Variants in ZNF608 observed in about 807,000 individuals in gnomAD.
ZNF608 encodes the protein zinc finger protein 608.
A neutral mutation model predicts 109.0 loss-of-function variants in ZNF608; 12 were observed. The observed-to-expected ratio is 0.11, with a 90% CI of 0.07 to 0.18. ZNF608 has a LOEUF of 0.18. Ranked by LOEUF, ZNF608 falls within the 10% of genes least tolerant of loss-of-function variation. ZNF608 has a pLI of 1.00. For missense variants in ZNF608, 1,707 were observed against 1,879.3 expected (o/e 0.91, Z 1.70); for synonymous variants, 732 against 717.4 (o/e 1.02, Z -0.33).
chr5:124,728,096 A>G (rs1240684607), intron 2 of ZNF608, among the ~76,000 whole-genome samples: 1 of 152,150 alleles, frequency 6.6e-6, no homozygotes, highest in African/African-American at 2.4e-5. Flanking sequence ...AGCTTTACAA[A>G]TAGGCAGAAG....
chr5:124,680,850 A>C (rs1752164958), intron 3 of ZNF608, among the ~76,000 whole-genome samples: 5 of 152,174 alleles, frequency 3.3e-5, no homozygotes, highest in Admixed American at 3.3e-4. Context: ...GCCAATAACC[A>C]AAATAGAAAA....
chr5:124,679,138 G>C (rs935801518), intron 3 of ZNF608, among the ~76,000 whole-genome samples: 1 of 152,172 alleles, frequency 6.6e-6, no homozygotes, highest in African/African-American at 2.4e-5. Flanking sequence ...TGTGCTCCTC[G>C]AAGATAACAC....
chr5:124,643,909 A>G (rs1750368820), intron 6 of ZNF608, among the ~76,000 whole-genome samples: 1 of 152,230 alleles, frequency 6.6e-6, no homozygotes, highest in South Asian at 2.1e-4. Flanking sequence ...GCTTATAGCC[A>G]TTTCATACAT....
At chr5:124,654,904 G>A (rs187830352) in intron 3 of ZNF608, among the ~76,000 whole-genome samples, 2 of 152,298 alleles carry the variant, frequency 1.3e-5, no homozygotes, top group South Asian at 2.1e-4. Context: ...TTGTCCTACC[G>A]TAATACATGG....
chr5:124,706,826 C>T (rs1206937719), intron 2 of ZNF608, among the ~76,000 whole-genome samples: 1 of 152,206 alleles, frequency 6.6e-6, no homozygotes, highest in Admixed American at 6.5e-5. Flanking sequence ...CAGTCTCTCA[C>T]TGTTATTTTT....
At chr5:124,645,462 C>T (rs570006570) in intron 5 of ZNF608, among the ~76,000 whole-genome samples, 44 of 152,060 alleles carry the variant, frequency 2.9e-4, no homozygotes, top group Non-Finnish European at 5.7e-4. Flanking sequence ...TTCAGGTTCT[C>T]AGAGAACATG....
rs772242926 is a variant in ZNF608 at position 124,648,367 on chromosome 5, G to A, written c.2017C>T (p.Leu673Phe). Residue 673 changes from leucine to phenylalanine, a missense_variant, in exon 5 of 10, where the codon CTT becomes TTT. By Grantham distance (22) the Leu-to-Phe change is conservative. Around this residue, in one of 7 missense-constraint regions of ZNF608, gnomAD observed 1,073 missense variants for 1,133.5 expected, o/e 0.95. Coordinates refer to ENST00000513986, the MANE Select transcript of ZNF608 (RefSeq NM_020747.3). ...KKGLNNELNNLPVISNMTAAL... is the reference protein window; with the variant it reads ...KKGLNNELNNFPVISNMTAAL... ...GCCGTCATGTTGGAGATTACTGGAAGGTTGTTCAGTTCATTGTTAAGGCCC... is the reference window on the plus strand; with the variant it reads ...GCCGTCATGTTGGAGATTACTGGAAAGTTGTTCAGTTCATTGTTAAGGCCC... 1 of 1,614,202 alleles carries A rather than the reference G, an allele frequency of 6.2e-7. No homozygotes were observed. Among genetic ancestry groups the A allele is most frequent in the South Asian group, 1.1e-5 (1 of 91,086 alleles).
intron 3 of ZNF608, among the ~76,000 whole-genome samples, chr5:124,669,781 C>G (rs1432773943): frequency 6.6e-6 from 1 of 152,062 alleles, no homozygotes; most frequent in African/African-American, 2.4e-5. Flanking sequence ...CACCTGAGTC[C>G]TTATTACAGA....
chr5:124,734,989 G>A (rs1749077914), intron 2 of ZNF608: 1 of 152,144 alleles, frequency 6.6e-6, no homozygotes, highest in African/African-American at 2.4e-5. Flanking sequence ...GTGATGGGGG[G>A]CAACCATAGT....
chr5:124,667,681 T>C (rs1225777925), intron 3 of ZNF608, among the ~76,000 whole-genome samples: 2 of 152,248 alleles, frequency 1.3e-5, no homozygotes, highest in African/African-American at 4.8e-5. Flanking sequence ...ATGCTGACTA[T>C]GTTAGGCACT....
chr5:124,724,818 AATG>A (rs1457201533), intron 2 of ZNF608, among the ~76,000 whole-genome samples: 1 of 152,156 alleles, frequency 6.6e-6, no homozygotes, highest in Non-Finnish European at 1.5e-5. Flanking sequence ...ACCACTGAGA[AATG>A]AGAATGAAAT....
chr5:124,701,631 T>C (rs752507904), intron 2 of ZNF608, among the ~76,000 whole-genome samples: 5 of 152,200 alleles, frequency 3.3e-5, no homozygotes, highest in Admixed American at 1.3e-4. Flanking sequence ...TTAAAAATTA[T>C]AACAGTTTCT....
intron 3 of ZNF608, among the ~76,000 whole-genome samples, chr5:124,696,249 G>A (rs1309589846): frequency 2.6e-5 from 4 of 151,674 alleles, no homozygotes; most frequent in Non-Finnish European, 5.9e-5. Flanking sequence ...TAACTACCCT[G>A]AAAACACGGA....
At chr5:124,720,765 G>T (rs1268750094) in intron 2 of ZNF608, among the ~76,000 whole-genome samples, 1 of 152,018 alleles carries the variant, frequency 6.6e-6, no homozygotes, top group African/African-American at 2.4e-5. Flanking sequence ...ATTCATGCCT[G>T]AGCTCATAAT....
Position 124,729,384 on chromosome 5 carries a change from G to C in ZNF608, c.906+14700C>G, listed in dbSNP as rs929007212. Among the ~76,000 whole-genome samples the C allele has an allele frequency of 2.6e-5, 4 of 152,186 alleles. No individual in the cohort carries two copies. In the East Asian group the frequency reaches 5.8e-4, roughly 22 times the overall value. ...GGACATTTGCCCTAATGTTTGGTGA[G>C]GTACCTAACAATGCCCCTAAACCAA... On this transcript the variant is annotated intron_variant, in intron 2 of 9. Coordinates refer to ENST00000513986, the MANE Select transcript of ZNF608 (RefSeq NM_020747.3).
chr5:124,715,641 C>A (rs1325104803), intron 2 of ZNF608, among the ~76,000 whole-genome samples: 1 of 152,254 alleles, frequency 6.6e-6, no homozygotes, highest in African/African-American at 2.4e-5. Context: ...GTAATATACA[C>A]ACTTCATAAA....
At chr5:124,679,772 C>T (rs930869730) in intron 3 of ZNF608, among the ~76,000 whole-genome samples, 1 of 152,154 alleles carries the variant, frequency 6.6e-6, no homozygotes, top group Non-Finnish European at 1.5e-5. Context: ...CACCCTGCCC[C>T]GTGGCTTGGT....
Position 124,687,800 on chromosome 5 carries a change from G to T in ZNF608, c.1162+13214C>A, listed in dbSNP as rs1440522370. On this transcript the variant is annotated intron_variant, in intron 3 of 9. Transcript: ENST00000513986. ...AGGCCCCAGAAGGGCATATAGGAATGCTTTCGTAGATACTACTTTTAAAAA... is the reference window on the plus strand; with the variant it reads ...AGGCCCCAGAAGGGCATATAGGAATTCTTTCGTAGATACTACTTTTAAAAA... Among the ~76,000 whole-genome samples, 3 of 152,142 alleles carry T rather than the reference G, an allele frequency of 2.0e-5. No individual in the cohort carries two copies. The East Asian group carries it at 5.8e-4, about 29-fold the overall frequency.
rs772787399 is a variant in ZNF608 at position 124,744,060 on chromosome 5, T to G, written c.906+24A>C. 1.3e-6 allele frequency: 2 copies of G among 1,559,790 alleles called. No homozygotes were observed. The highest frequency in any genetic ancestry group is 4.5e-5 in the East Asian group (2 of 44,360). Reference sequence around the variant, plus strand: ...AATGCACACAGAGGAGAGTAGGACATCTAGGAAGGCGACTTTATCCTACCT... The same window carrying G: ...AATGCACACAGAGGAGAGTAGGACAGCTAGGAAGGCGACTTTATCCTACCT... On this transcript the variant is annotated intron_variant, in intron 2 of 9. Coordinates refer to ENST00000513986, the MANE Select transcript of ZNF608 (RefSeq NM_020747.3). The surrounding 1 kb of genome is among the most constrained non-coding windows in gnomAD (Gnocchi z 4.5).
Sources: allele counts gnomAD v4.1 joint callset (sites outside exome capture counted in the v4.1 genomes callset), GRCh38; gene constraint gnomAD v4.1.1; regional missense constraint gnomAD v4.1.1; non-coding constraint Gnocchi (gnomAD v3.1); transcripts MANE v1.5; gene names NCBI Gene and HGNC (gene_info 2026-07-23, HGNC 2026-07-21).